EVC2: variants seen among roughly 807,000 people sequenced by gnomAD.
EVC2 encodes the protein EvC ciliary complex subunit 2.
Under a neutral mutation model 149.3 loss-of-function variants are expected in EVC2, and 148 were observed. The ratio of observed to expected loss-of-function variants is 0.99; its 90% CI spans 0.87 to 1.14. The LOEUF (loss-of-function observed/expected upper bound fraction) is 1.14. Among genes scored for constraint, EVC2 ranks in the 50% most tolerant of loss-of-function variants. EVC2 has a pLI of 0.00. For synonymous variants in EVC2, 776 were observed against 649.9 expected (o/e 1.19, Z -2.95); for missense variants, 1,854 against 1,627.3 (o/e 1.14, Z -2.40).
At chr4:5,691,892 G>A (rs1721143244) in intron 3 of EVC2, among the ~76,000 whole-genome samples, 1 of 152,234 alleles carries the variant, frequency 6.6e-6, no homozygotes, top group Non-Finnish European at 1.5e-5. Flanking sequence ...CAAGCCTCCT[G>A]TTGCCCTTGA....
At chr4:5,663,273 T>C (rs1719027204) in intron 8 of EVC2, 27 bp from the exon 9 acceptor site, 1 of 1,613,544 alleles carries the variant, frequency 6.2e-7, no homozygotes. Flanking sequence ...GAAATAATAA[T>C]TGATTGGGCC....
intron 15 of EVC2, 135 bp from the exon 16 acceptor site, chr4:5,615,679 G>A: frequency 3.2e-6 from 4 of 1,266,038 alleles, no homozygotes; most frequent in Non-Finnish European, 4.6e-6. Flanking sequence ...AGGCCAGAGA[G>A]GGGAGGAGAG....
intron 10 of EVC2, 69 bp from the exon 11 acceptor site, chr4:5,632,101 CA>C: frequency 6.3e-7 from 1 of 1,594,724 alleles, no homozygotes; most frequent in East Asian, 2.2e-5. Flanking sequence ...GCATGCAATG[CA>C]ATGTGTACAG....
At chr4:5,612,985 T>C (rs1032635228) in intron 16 of EVC2, among the ~76,000 whole-genome samples, 49 of 133,556 alleles carry the variant, frequency 3.7e-4, no homozygotes, top group African/African-American at 9.4e-4. Flanking sequence ...GGAGACGAGG[T>C]AGGGGCCAGG....
At position 5,640,767 on chromosome 4, in the gene EVC2, A is replaced by G; in HGVS notation, c.1217T>C (p.Ile406Thr). The change falls in exon 10 of 22, where the codon ATC becomes ACC. Residue 406 changes from isoleucine to threonine, a missense_variant. By Grantham distance (89) the Ile-to-Thr change is moderately conservative. Coordinates refer to ENST00000344408, the MANE Select transcript of EVC2 (RefSeq NM_147127.5). This position sits in a 1 kb window ranked among gnomAD's most constrained non-coding sequence, Gnocchi z 4.6. ...EACRTQISKD[I>T]IALLLKNLTS... Reference sequence around the variant, plus strand: ...GAGATTTTTCAGCAGAAGGGCAATGATATCCTTGCTGATTTGTGTTCGACA... The same window carrying G: ...GAGATTTTTCAGCAGAAGGGCAATGGTATCCTTGCTGATTTGTGTTCGACA... The G allele has an allele frequency of 2.5e-6, 4 of 1,614,212 alleles. No homozygotes were observed. The highest frequency in any genetic ancestry group is 1.6e-4 in the Middle Eastern group (1 of 6,062).
chr4:5,697,612 G>T lies in EVC2; in HGVS notation c.264C>A (p.Cys88Ter), dbSNP rs965707319. ...LPCMIWPKVE[C>*]CHFKTAVEAP... ...ACTCACCTGCAGTCTTAAAGTGACA[G>T]CATTCCACTTTGGGCCAAATCATAC... The change falls in exon 2 of 22, where the codon TGC (cysteine) becomes TGA (stop). Residue 88 changes from cysteine (C) to a stop codon, truncating the protein, a stop_gained. Transcript: ENST00000344408. LOFTEE classifies it high-confidence loss of function. 7.4e-6 allele frequency: 12 copies of T among 1,614,036 alleles called. No individual in the cohort carries two copies. The African/African-American group carries it at 1.3e-4, about 18-fold the overall frequency.
At chr4:5,600,642 C>T (rs1713901567) in intron 16 of EVC2, among the ~76,000 whole-genome samples, 1 of 152,100 alleles carries the variant, frequency 6.6e-6, no homozygotes, top group South Asian at 2.1e-4. Flanking sequence ...AAACTGAATC[C>T]TAAGTAAGCC....
At chr4:5,681,360 G>A in intron 6 of EVC2, 47 bp from the exon 7 acceptor site, 1 of 1,595,294 alleles carries the variant, frequency 6.3e-7, no homozygotes, top group Non-Finnish European at 8.6e-7. Flanking sequence ...TTTGGGGTCT[G>A]ACACGTGGGA....
rs537172568 is a variant in EVC2 at position 5,673,205 on chromosome 4, C to T, written c.871-7556G>A. Reference sequence around the variant, plus strand: ...TACACAGAAGTCAGAAAATCTGAGCCGCTATTGCTACTACTGTTGTTGGCT... The same window carrying T: ...TACACAGAAGTCAGAAAATCTGAGCTGCTATTGCTACTACTGTTGTTGGCT... On this transcript the variant is annotated intron_variant, in intron 7 of 21. Coordinates refer to ENST00000344408, the MANE Select transcript of EVC2 (RefSeq NM_147127.5). Among the ~76,000 whole-genome samples, 4 of 152,302 alleles carry T rather than the reference C, an allele frequency of 2.6e-5. No homozygotes were observed. In the East Asian group the frequency reaches 5.8e-4, roughly 22 times the overall value.
chr4:5,641,214 C>G (rs1051363188), intron 9 of EVC2, among the ~76,000 whole-genome samples: 1 of 152,074 alleles, frequency 6.6e-6, no homozygotes, highest in African/African-American at 2.4e-5. Flanking sequence ...ATGGACATGA[C>G]TAGTACATGT....
Position 5,614,306 on chromosome 4 carries a change from A to C in EVC2, c.2829+1116T>G, listed in dbSNP as rs1227460504. On this transcript the variant is annotated intron_variant, in intron 16 of 21. Transcript: ENST00000344408. The surrounding 1 kb of genome is among the most constrained non-coding windows in gnomAD (Gnocchi z 4.7). Reference sequence around the variant, plus strand: ...TAAGTGTTTATGATCCATTTCCCCCAACTAGAACGGGCTCGCCTCTACTGG... The same window carrying C: ...TAAGTGTTTATGATCCATTTCCCCCCACTAGAACGGGCTCGCCTCTACTGG... 6.6e-6 allele frequency among the ~76,000 whole-genome samples: 1 copy of C among 152,152 alleles called. No individual in the cohort carries two copies. The highest frequency in any genetic ancestry group is 2.1e-4 in the South Asian group (1 of 4,828).
chr4:5,584,042 C>G (rs146746426), intron 17 of EVC2, among the ~76,000 whole-genome samples: 3 of 151,960 alleles, frequency 2.0e-5, no homozygotes, highest in Non-Finnish European at 2.9e-5. Context: ...AACTTAGTAG[C>G]GCTTCCCTCC....
At chr4:5,558,503 A>G (rs1397837951), downstream of EVC2, among the ~76,000 whole-genome samples, 2 of 152,220 alleles carry the variant, frequency 1.3e-5, no homozygotes, top group Non-Finnish European at 2.9e-5. Context: ...ACAAATTTGT[A>G]TCATATTATA....
intron 2 of EVC2, 64 bp downstream of exon 2, chr4:5,697,529 G>T: frequency 6.6e-7 from 1 of 1,518,744 alleles, no homozygotes; most frequent in Non-Finnish European, 9.1e-7. Context: ...GGAGGAAGGA[G>T]GGCTTCAGGC....
chr4:5,619,018 A>C (rs1715488384), intron 14 of EVC2, among the ~76,000 whole-genome samples: 1 of 152,182 alleles, frequency 6.6e-6, no homozygotes, highest in African/African-American at 2.4e-5. Flanking sequence ...CTGTCTGTGG[A>C]GCCTGGCCAG....
At chr4:5,658,224 T>G (rs921175832) in intron 9 of EVC2, among the ~76,000 whole-genome samples, 1 of 152,194 alleles carries the variant, frequency 6.6e-6, no homozygotes, top group South Asian at 2.1e-4. Context: ...CAAGAATCTG[T>G]TGGATTCATC....
chr4:5,706,453 C>CATAGATAGATAG (rs1560243918), intron 1 of EVC2, among the ~76,000 whole-genome samples: 4 of 39,030 alleles, frequency 1.0e-4, no homozygotes, highest in African/African-American at 3.0e-4. Flanking sequence ...TAGATACATA[C>CATAGATAGATAG]ATACATACAT....
chr4:5,706,194 G>A (rs1411915920), intron 1 of EVC2, among the ~76,000 whole-genome samples: 2 of 151,430 alleles, frequency 1.3e-5, no homozygotes, highest in Non-Finnish European at 2.9e-5. Context: ...CTCTCTCACG[G>A]CTCCCCATCC....
Position 5,563,104 on chromosome 4 carries a change from T to G in EVC2, c.3671A>C (p.Lys1224Thr). 6.2e-7 allele frequency: 1 copy of G among 1,613,756 alleles called. No individual in the cohort carries two copies. Among genetic ancestry groups the G allele is most frequent in the Non-Finnish European group, 8.5e-7 (1 of 1,179,952 alleles). ...CCTCTCTCTGAGAGGGAGACATGTC[T>G]TCTTTAATATGCTAAAGAAATAGCA... ...ARKRKQSILK[K>T]TCLPLRERMI... The change falls in exon 22 of 22, where the codon AAG becomes ACG. Residue 1224 changes from lysine to threonine, a missense_variant. Lys to Thr is a moderately conservative substitution (Grantham distance 78, BLOSUM62 -1). Transcript: ENST00000344408.
Sources: allele counts gnomAD v4.1 joint callset (sites outside exome capture counted in the v4.1 genomes callset), GRCh38; gene constraint gnomAD v4.1.1; non-coding constraint Gnocchi (gnomAD v3.1); transcripts MANE v1.5; gene names NCBI Gene and HGNC (gene_info 2026-07-23, HGNC 2026-07-21).